The following TACC1 variants were observed in gnomAD, a reference collection of about 807,000 sequenced individuals.
The protein encoded by TACC1 is transforming acidic coiled-coil containing protein 1.
TACC1 carries 48 observed loss-of-function variants against 84.4 expected under a neutral mutation model. That is an observed-to-expected ratio of 0.57 (90% confidence interval 0.45 to 0.72). The LOEUF is 0.72. Among genes scored for constraint, TACC1 ranks in the 30% least tolerant of loss-of-function variants. The pLI is 0.00. For missense variants in TACC1, 920 were observed against 973.0 expected, an observed-to-expected ratio of 0.95 and a Z score of 0.72; for synonymous variants, 372 against 376.3, an observed-to-expected ratio of 0.99 and a Z score of 0.13.
At chr8:38,839,609 G>T (rs1293670509) in intron 8 of TACC1, 2 of 267,614 alleles carry the variant, frequency 7.5e-6, no homozygotes, top group Non-Finnish European at 1.4e-5. Flanking sequence ...AGTGATGGGG[G>T]CACCACCATT....
At chr8:38,785,816 T>C, upstream of TACC1, 1 of 663,346 alleles carries the variant, frequency 1.5e-6, no homozygotes, top group Non-Finnish European at 1.9e-6. Context: ...AGTTCACTTC[T>C]TTATAGTCGC....
Position 38,852,971 on chromosome 8 carries a change from TTAC to T in TACC1, c.*4951_*4953del, listed in dbSNP as rs1399722633. On this transcript the variant is annotated 3_prime_UTR_variant, in exon 13 of 13. Transcript: ENST00000317827. Reference sequence around the variant, plus strand: ...TTATACTCACAAATTATTATAATGATTACTAATATATTTTTTCCATGTTTCATT... The same window carrying T: ...TTATACTCACAAATTATTATAATGATTAATATATTTTTTCCATGTTTCATT... 2 of 152,656 alleles carry T rather than the reference TTAC, an allele frequency of 1.3e-5. No homozygotes were observed. Among genetic ancestry groups the T allele is most frequent in the African/African-American group, 4.8e-5 (2 of 41,446 alleles). The allele number at this position is 152,656 out of a possible 1,614,324, so 9.5% of individuals were successfully genotyped here.
chr8:38,741,802 C>T (rs188116521), intron 1 of TACC1, among the ~76,000 whole-genome samples: 11 of 152,046 alleles, frequency 7.2e-5, no homozygotes, highest in Non-Finnish European at 1.2e-4. Flanking sequence ...AAGATACTTG[C>T]GGTTACTGGG....
chr8:38,823,136 A>C (rs1827249747), intron 3 of TACC1, among the ~76,000 whole-genome samples: 2 of 152,202 alleles, frequency 1.3e-5, no homozygotes, highest in Non-Finnish European at 1.5e-5. Context: ...GAAGACGCCC[A>C]GAGGTTTAAA....
intron 2 of TACC1, among the ~76,000 whole-genome samples, chr8:38,793,276 C>G (rs1029581993): frequency 6.6e-6 from 1 of 152,124 alleles, no homozygotes; most frequent in African/African-American, 2.4e-5. Flanking sequence ...GAGGGAATGC[C>G]AAGTTGTTTG....
In TACC1 at chr8:38,820,590, A is replaced by G. The variant is rs756013125; in HGVS notation, c.1346A>G (p.Asn449Ser). The G allele has an allele frequency of 8.1e-6, 13 of 1,612,588 alleles. No homozygotes were observed. The highest frequency in any genetic ancestry group is 1.0e-5 in the Non-Finnish European group (12 of 1,180,016). Residue 449 changes from asparagine to serine, a missense_variant, in exon 3 of 13, where the codon AAT (asparagine) becomes AGT (serine). This residue lies in a region of TACC1 where 762 missense variants were observed against 747.3 expected (regional missense o/e 1.02). Transcript: ENST00000317827. ...TGTTCTCCCACTGGTAATCACGTTA[A>G]TGAAATCTTAGAATCACCCAAGAAG... ...DFCSPTGNHV[N>S]EILESPKKAK...
intron 3 of TACC1, chr8:38,745,499 G>C: frequency 2.9e-6 from 2 of 686,610 alleles, no homozygotes; most frequent in Non-Finnish European, 5.3e-6. Context: ...AAAAGGCAAG[G>C]GTTTTAATTT....
chr8:38,809,370 A>G (rs1823530839), intron 2 of TACC1, among the ~76,000 whole-genome samples: 1 of 152,026 alleles, frequency 6.6e-6, no homozygotes, highest in African/African-American at 2.4e-5. Context: ...ATGTCCAGGG[A>G]CAGTTGTTGG....
chr8:38,830,391 C>T (rs569756990), intron 5 of TACC1, among the ~76,000 whole-genome samples: 1 of 152,358 alleles, frequency 6.6e-6, no homozygotes, highest in Non-Finnish European at 1.5e-5. Context: ...TCTCCTGCTT[C>T]AGCCTCCCAA....
chr8:38,844,174 T>TATC (rs1161969616), intron 11 of TACC1, among the ~76,000 whole-genome samples: 4 of 152,032 alleles, frequency 2.6e-5, no homozygotes, highest in Non-Finnish European at 5.9e-5. Flanking sequence ...TTTATTTTAT[T>TATC]ATTATTATTA....
At chr8:38,781,995 T>C (rs546986875) in intron 3 of TACC1, among the ~76,000 whole-genome samples, 1 of 150,396 alleles carries the variant, frequency 6.6e-6, no homozygotes, top group South Asian at 2.1e-4. Flanking sequence ...TTATTTTTTA[T>C]TATTTTTTTT....
In TACC1 at chr8:38,740,879, C is replaced by T. The variant is rs372931035; in HGVS notation, c.-674-1472C>T. 2.3e-4 allele frequency among the ~76,000 whole-genome samples: 35 copies of T among 152,314 alleles called. No individual in the cohort carries two copies. In the East Asian group the frequency reaches 3.7e-3, roughly 16 times the overall value. Reference sequence around the variant, plus strand: ...GCATGGCTCTGATGTTGTGCTCTATCTGTGCTTATTCTTCCTTGTATTTAA... The same window carrying T: ...GCATGGCTCTGATGTTGTGCTCTATTTGTGCTTATTCTTCCTTGTATTTAA... On this transcript the variant is annotated intron_variant, in intron 1 of 14. Coordinates refer to the TACC1 transcript ENST00000518415.
At chr8:38,818,550 A>G (rs1031769528) in intron 2 of TACC1, among the ~76,000 whole-genome samples, 3 of 152,206 alleles carry the variant, frequency 2.0e-5, no homozygotes, top group Non-Finnish European at 4.4e-5. Context: ...CGACTTAGAG[A>G]CAGAGGTTCT....
chr8:38,765,770 G>C (rs139931631), intron 3 of TACC1, among the ~76,000 whole-genome samples: 1 of 152,072 alleles, frequency 6.6e-6, no homozygotes, highest in African/African-American at 2.4e-5. Flanking sequence ...TACTGCGGAC[G>C]GGACATATGC....
chr8:38,795,371 C>T (rs1203395526), intron 2 of TACC1, among the ~76,000 whole-genome samples: 1 of 152,180 alleles, frequency 6.6e-6, no homozygotes, highest in African/African-American at 2.4e-5. Flanking sequence ...CTTGCACTCC[C>T]CCATTTTGGG....
At chr8:38,763,285 A>G (rs909639922) in intron 3 of TACC1, among the ~76,000 whole-genome samples, 2 of 152,006 alleles carry the variant, frequency 1.3e-5, no homozygotes, top group African/African-American at 4.8e-5. Flanking sequence ...GAGTAGCTGG[A>G]CCACAGGTGC....
At chr8:38,783,084 ATCTATCTATC>A (rs1563440482), upstream of TACC1, among the ~76,000 whole-genome samples, 10 of 109,390 alleles carry the variant, frequency 9.1e-5, no homozygotes, top group African/African-American at 4.4e-4. Context: ...CTATCTATCT[ATCTATCTATC>A]TATCTATCTA....
intron 3 of TACC1, among the ~76,000 whole-genome samples, chr8:38,764,708 TG>T (rs1210617498): frequency 6.6e-6 from 1 of 152,186 alleles, no homozygotes; most frequent in African/African-American, 2.4e-5. Context: ...GGCTCATGCC[TG>T]TAATCCTAGC....
chr8:38,793,344 C>T (rs1025314883), intron 2 of TACC1, among the ~76,000 whole-genome samples: 1 of 152,116 alleles, frequency 6.6e-6, no homozygotes, highest in Non-Finnish European at 1.5e-5. Context: ...ATAGACCAAG[C>T]CCTGCCTGTC....
Sources: allele counts gnomAD v4.1 joint callset (sites outside exome capture counted in the v4.1 genomes callset), GRCh38; gene constraint gnomAD v4.1.1; regional missense constraint gnomAD v4.1.1; transcripts MANE v1.5; gene names NCBI Gene and HGNC (gene_info 2026-07-23, HGNC 2026-07-21).